RIC1: variants seen among roughly 807,000 people sequenced by gnomAD.
RIC1 encodes guanine nucleotide exchange factor subunit RIC1.
A neutral mutation model predicts 169.0 loss-of-function variants in RIC1; 88 were observed. The ratio of observed to expected loss-of-function variants is 0.52; its 90% CI spans 0.44 to 0.62. The LOEUF is 0.62. RIC1 is among the 20% of genes least tolerant of loss of function. The pLI, the probability that RIC1 is intolerant of heterozygous loss-of-function variation, is 0.00. For synonymous variants in RIC1, 790 were observed against 601.5 expected (o/e 1.31, Z -4.59); for missense variants, 1,877 against 1,725.5 (o/e 1.09, Z -1.56).
At chr9:5,666,474 G>A (rs576313290) in intron 2 of RIC1, among the ~76,000 whole-genome samples, 3 of 151,894 alleles carry the variant, frequency 2.0e-5, no homozygotes, top group South Asian at 4.2e-4. Context: ...TTGTTCTAGC[G>A]GGAAGGCTTT....
intron 12 of RIC1, among the ~76,000 whole-genome samples, chr9:5,750,388 T>G (rs1402711378): frequency 6.6e-6 from 1 of 151,892 alleles, no homozygotes. Flanking sequence ...ATGTGGAAGA[T>G]AAGCACCTAC....
intron 12 of RIC1, among the ~76,000 whole-genome samples, chr9:5,748,242 C>G (rs768767896): frequency 1.3e-5 from 2 of 152,088 alleles, no homozygotes; most frequent in Non-Finnish European, 2.9e-5. Context: ...CATCAAAGCC[C>G]ACTCTTAGTT....
rs76620618 is a variant in RIC1, at chr9:5,707,647, C to G, written c.333-6249C>G. ...CCTTCTTTGTCTCTTGTGATAGTTCCTAAAGTCTTTTGTTTTTTTGTTTGT... is the reference window on the plus strand; with the variant it reads ...CCTTCTTTGTCTCTTGTGATAGTTCGTAAAGTCTTTTGTTTTTTTGTTTGT... On this transcript the variant is annotated intron_variant, in intron 3 of 25. Coordinates refer to ENST00000414202, the MANE Select transcript of RIC1 (RefSeq NM_020829.4). Among the ~76,000 whole-genome samples the G allele has an allele frequency of 9.3e-3, 1,412 of 151,982 alleles. 21 individuals are homozygous for G. Among genetic ancestry groups the G allele is most frequent in the African/African-American group, 0.031 (1,301 of 41,492 alleles).
At chr9:5,760,564 C>T (rs1386522851) in intron 17 of RIC1, among the ~76,000 whole-genome samples, 1 of 152,130 alleles carries the variant, frequency 6.6e-6, no homozygotes, top group Non-Finnish European at 1.5e-5. Flanking sequence ...AGTTCCCAGT[C>T]ATGCTGTTTT....
rs988760881 is a variant in RIC1 at position 5,629,196 on chromosome 9, T to TGCCGCC, written c.-100_-95dup. The TGCCGCC allele has an allele frequency of 3.7e-5, 41 of 1,119,444 alleles. No homozygotes were observed. The highest frequency in any genetic ancestry group is 4.9e-5 in the African/African-American group (3 of 60,856). 69.3% of individuals were successfully genotyped at this position (1,119,444 alleles called of 1,614,324 possible). On this transcript the variant is annotated 5_prime_UTR_variant, in exon 1 of 26. Coordinates refer to ENST00000414202, the MANE Select transcript of RIC1 (RefSeq NM_020829.4). ...AGGCCAGCGGGCAGATGCCCCGAGCTGCCGCCGCCGCCGCCGCCGACTCGG... is the reference window on the plus strand; with the variant it reads ...AGGCCAGCGGGCAGATGCCCCGAGCTGCCGCCGCCGCCGCCGCCGCCGCCGACTCGG...
chr9:5,741,493 A>T (rs7035161), intron 8 of RIC1, among the ~76,000 whole-genome samples: 51,793 of 151,970 alleles, frequency 0.34, 9,547 homozygotes, highest in East Asian at 0.6. Flanking sequence ...TAAATTTTTT[A>T]AAATTTTGTT....
rs142605654 is a variant in RIC1 at position 5,655,561 on chromosome 9, A to G, written c.145-1022A>G. Among the ~76,000 whole-genome samples, 569 of 152,336 alleles carry G rather than the reference A, an allele frequency of 3.7e-3. 1 individual carries two copies. Among genetic ancestry groups the G allele is most frequent in the African/African-American group, 0.013 (555 of 41,576 alleles). ...GGTGATCTGCCAACCTCAGCCTCCC[A>G]AAGTGCTGGGATTACAGGCATGAGC... On this transcript the variant is annotated intron_variant, in intron 1 of 25. Coordinates refer to ENST00000414202, the MANE Select transcript of RIC1 (RefSeq NM_020829.4).
At chr9:5,694,309 T>G (rs1458885482) in intron 3 of RIC1, among the ~76,000 whole-genome samples, 2 of 152,096 alleles carry the variant, frequency 1.3e-5, no homozygotes, top group Non-Finnish European at 2.9e-5. Flanking sequence ...TATATGTTTC[T>G]TTTTGCTAAT....
rs1215033076 is a variant in RIC1 at position 5,720,332 on chromosome 9, T to C, written c.583+8T>C. 2 of 1,609,036 alleles carry C rather than the reference T, an allele frequency of 1.2e-6. No individual in the cohort carries two copies. ...ACCTGCAGTCATCTAGAGGTAGCTATACTTTCTACATGAGGTTGAACCAGT... is the reference window on the plus strand; with the variant it reads ...ACCTGCAGTCATCTAGAGGTAGCTACACTTTCTACATGAGGTTGAACCAGT... On this transcript the variant is annotated splice_region_variant and intron_variant, in intron 5 of 25. Coordinates refer to ENST00000414202, the MANE Select transcript of RIC1 (RefSeq NM_020829.4).
intron 7 of RIC1, among the ~76,000 whole-genome samples, chr9:5,734,390 C>T (rs1563936154): frequency 6.6e-6 from 1 of 152,060 alleles, no homozygotes; most frequent in African/African-American, 2.4e-5. Flanking sequence ...AGGTGTGAGC[C>T]ACTGGGCCCG....
At chr9:5,630,754 ATG>A (rs147157983) in intron 1 of RIC1, among the ~76,000 whole-genome samples, 22 of 152,266 alleles carry the variant, frequency 1.4e-4, no homozygotes, top group African/African-American at 5.3e-4. Context: ...ATATGTATGT[ATG>A]TGTGTGTGTA....
At chr9:5,694,289 T>C (rs1310202093) in intron 3 of RIC1, among the ~76,000 whole-genome samples, 1 of 152,226 alleles carries the variant, frequency 6.6e-6, no homozygotes, top group East Asian at 1.9e-4. Context: ...CTCATGAAAG[T>C]TTCCCTCAAT....
intron 1 of RIC1, among the ~76,000 whole-genome samples, chr9:5,654,536 C>T (rs571485095): frequency 6.6e-6 from 1 of 152,060 alleles, no homozygotes; most frequent in Non-Finnish European, 1.5e-5. Flanking sequence ...GCGTGAGCCA[C>T]TGTGCCCAGC....
intron 3 of RIC1, among the ~76,000 whole-genome samples, chr9:5,692,123 GT>G (rs1386127622): frequency 6.6e-6 from 1 of 152,042 alleles, no homozygotes; most frequent in Non-Finnish European, 1.5e-5. Flanking sequence ...TATATTGAAA[GT>G]TTTAGGTTTC....
intron 1 of RIC1, among the ~76,000 whole-genome samples, chr9:5,632,584 A>G (rs1005625722): frequency 3.9e-5 from 6 of 152,100 alleles, no homozygotes; most frequent in Non-Finnish European, 7.4e-5. Context: ...AGCCCCCCAA[A>G]TGGTGTTAAA....
At chr9:5,687,729 T>G (rs570760230) in intron 2 of RIC1, among the ~76,000 whole-genome samples, 1 of 152,318 alleles carries the variant, frequency 6.6e-6, no homozygotes, top group Admixed American at 6.5e-5. Context: ...CATACACTGC[T>G]ATTATTCTTG....
intron 7 of RIC1, among the ~76,000 whole-genome samples, chr9:5,734,591 C>T (rs1563936331): frequency 8.3e-6 from 1 of 120,920 alleles, no homozygotes; most frequent in Non-Finnish European, 1.8e-5. Context: ...AGTACATAAT[C>T]CAGATATTCA....
intron 7 of RIC1, among the ~76,000 whole-genome samples, chr9:5,733,349 C>T (rs551115470): frequency 2.6e-5 from 4 of 151,134 alleles, no homozygotes; most frequent in South Asian, 4.2e-4. Flanking sequence ...CTGCAAGCTC[C>T]GTCTCCTGGG....
chr9:5,764,140 ATATG>A (rs1030753607), intron 19 of RIC1, among the ~76,000 whole-genome samples: 1 of 152,236 alleles, frequency 6.6e-6, no homozygotes, highest in African/African-American at 2.4e-5. Flanking sequence ...AAGAAATTTA[ATATG>A]TATATTAGAA....
Sources: gnomAD v4.1 joint callset for allele counts (sites outside exome capture counted in the v4.1 genomes callset) on GRCh38, gnomAD v4.1.1 for gene constraint, MANE v1.5 for transcripts, NCBI Gene and HGNC (gene_info 2026-07-23, HGNC 2026-07-21) for gene names.